The following CPQ variants were observed in gnomAD, a reference collection of about 807,000 sequenced individuals.
CPQ encodes carboxypeptidase Q, also known as Ser-Met dipeptidase.
Under a neutral mutation model 45.7 loss-of-function variants are expected in CPQ, and 37 were observed. The ratio of observed to expected loss-of-function variants is 0.81; its 90% CI spans 0.62 to 1.07. The LOEUF (loss-of-function observed/expected upper bound fraction) is 1.07. Among genes scored for constraint, CPQ ranks in the 50% least tolerant of loss-of-function variants. The pLI is 0.00. For synonymous variants in CPQ, 186 were observed against 205.8 expected, an observed-to-expected ratio of 0.90 and a Z score of 0.82; for missense variants, 537 against 572.9, an observed-to-expected ratio of 0.94 and a Z score of 0.64.
intron 4 of CPQ, among the ~76,000 whole-genome samples, chr8:96,965,354 A>G (rs1478951204): frequency 1.3e-5 from 2 of 148,154 alleles, no homozygotes; most frequent in African/African-American, 2.5e-5. Context: ...ATCTGTCAGT[A>G]ATAAGCCAAT....
At position 96,938,389 on chromosome 8, in the gene CPQ, C is replaced by A. The variant is rs141527678; in HGVS notation, c.850-27546C>A. 1.8e-3 allele frequency among the ~76,000 whole-genome samples: 268 copies of A among 152,162 alleles called. 1 individual carries two copies. The highest frequency in any genetic ancestry group is 6.2e-3 in the African/African-American group (256 of 41,524). ...TCCAGTCTAGGTGACAGAGCAGGACCCTGGTCTCTAAACAACAACAGCAAC... is the reference window on the plus strand; with the variant it reads ...TCCAGTCTAGGTGACAGAGCAGGACACTGGTCTCTAAACAACAACAGCAAC... On this transcript the variant is annotated intron_variant, in intron 4 of 7. Transcript: ENST00000220763.
In CPQ at chr8:96,691,599, A is replaced by G. The variant is rs141532541; in HGVS notation, c.-35+46197A>G. Among the ~76,000 whole-genome samples, 434 of 152,284 alleles carry G rather than the reference A, an allele frequency of 2.8e-3. 3 individuals are homozygous for G. Among genetic ancestry groups the G allele is most frequent in the African/African-American group, 9.9e-3 (412 of 41,560 alleles). On this transcript the variant is annotated intron_variant, in intron 1 of 7. Coordinates refer to ENST00000220763, the MANE Select transcript of CPQ (RefSeq NM_016134.4). Reference sequence around the variant, plus strand: ...AGAGTATTGACTATCTTTTCCTTAAAATGTTTATAATTTACTTGAGGACTC... The same window carrying G: ...AGAGTATTGACTATCTTTTCCTTAAGATGTTTATAATTTACTTGAGGACTC...
chr8:97,017,637 T>C (rs1024851648), intron 5 of CPQ, among the ~76,000 whole-genome samples: 1 of 151,986 alleles, frequency 6.6e-6, no homozygotes, highest in Non-Finnish European at 1.5e-5. Context: ...ACTGCCGGCT[T>C]TCCCCTACTT....
chr8:97,128,519 T>C (rs1022075416), intron 7 of CPQ, among the ~76,000 whole-genome samples: 6 of 152,170 alleles, frequency 3.9e-5, no homozygotes, highest in African/African-American at 1.4e-4. Flanking sequence ...ACCTCGTTTC[T>C]ACTAAAAATA....
chr8:96,715,980 G>A (rs1809668112), intron 1 of CPQ, among the ~76,000 whole-genome samples: 1 of 152,222 alleles, frequency 6.6e-6, no homozygotes, highest in Non-Finnish European at 1.5e-5. Context: ...AGGTGGCAGG[G>A]GAGTGACATA....
At chr8:96,924,171 G>T (rs908758420) in intron 4 of CPQ, among the ~76,000 whole-genome samples, 1 of 152,112 alleles carries the variant, frequency 6.6e-6, no homozygotes, top group African/African-American at 2.4e-5. Context: ...TTGGGGTGGG[G>T]GTAGGGGTGA....
chr8:97,033,732 T>C (rs1809949549), intron 6 of CPQ, among the ~76,000 whole-genome samples: 1 of 152,144 alleles, frequency 6.6e-6, no homozygotes, highest in African/African-American at 2.4e-5. Flanking sequence ...TTATTTCTTC[T>C]TTTTGTTTTT....
chr8:96,784,399 T>TAG (rs376534066), intron 1 of CPQ, among the ~76,000 whole-genome samples: 1 of 128,208 alleles, frequency 7.8e-6, no homozygotes, highest in African/African-American at 2.9e-5. Context: ...TGTTCTGAGG[T>TAG]GGGGGGGGGG....
intron 1 of CPQ, among the ~76,000 whole-genome samples, chr8:96,777,754 ATATATATTTTTTTTTTT>A (rs1810632279): frequency 8.1e-5 from 1 of 12,316 alleles, no homozygotes; most frequent in Non-Finnish European, 1.4e-4. Context: ...ATATATATAT[ATATATATTTTTTTTTTT>A]TTTTTTTTTT....
intron 4 of CPQ, among the ~76,000 whole-genome samples, chr8:96,903,193 A>G (rs1211955949): frequency 1.3e-5 from 2 of 152,204 alleles, no homozygotes; most frequent in Non-Finnish European, 2.9e-5. Flanking sequence ...TTCTTGCCTC[A>G]CTTTCCTTCT....
At chr8:96,994,706 C>T (rs1809149340) in intron 5 of CPQ, among the ~76,000 whole-genome samples, 3 of 152,018 alleles carry the variant, frequency 2.0e-5, no homozygotes, top group South Asian at 2.1e-4. Context: ...TGACATGCCC[C>T]AGTTTGTCTG....
At chr8:96,940,043 A>G (rs1052004360) in intron 4 of CPQ, among the ~76,000 whole-genome samples, 3 of 152,110 alleles carry the variant, frequency 2.0e-5, no homozygotes, top group Admixed American at 2.0e-4. Context: ...GCAAAAACTT[A>G]ATGAGAGTCT....
chr8:96,934,433 C>T (rs1033715891), intron 4 of CPQ, among the ~76,000 whole-genome samples: 2 of 152,048 alleles, frequency 1.3e-5, no homozygotes, highest in African/African-American at 2.4e-5. Context: ...GGCCAAGTCA[C>T]GCATTAAGTA....
At chr8:96,670,146 G>A (rs1808981784) in intron 1 of CPQ, among the ~76,000 whole-genome samples, 1 of 152,046 alleles carries the variant, frequency 6.6e-6, no homozygotes, top group African/African-American at 2.4e-5. Flanking sequence ...CTATGCTTGA[G>A]GCCATTTTAA....
At chr8:97,056,037 T>G (rs1810450749) in intron 6 of CPQ, among the ~76,000 whole-genome samples, 3 of 152,076 alleles carry the variant, frequency 2.0e-5, no homozygotes, top group Admixed American at 2.0e-4. Context: ...AAGCCAAAGC[T>G]GCAGTGAGCC....
intron 2 of CPQ, among the ~76,000 whole-genome samples, chr8:96,798,713 T>C (rs1194832050): frequency 1.3e-5 from 2 of 152,040 alleles, no homozygotes. Context: ...ACTCATTTTT[T>C]TCTTTGAAGT....
chr8:97,088,024 G>T (rs550841179), intron 7 of CPQ, among the ~76,000 whole-genome samples: 3 of 152,232 alleles, frequency 2.0e-5, no homozygotes, highest in African/African-American at 7.2e-5. Context: ...TATCCAAAGA[G>T]AGGTTAAAAA....
intron 4 of CPQ, among the ~76,000 whole-genome samples, chr8:96,885,005 G>A (rs976823374): frequency 6.6e-6 from 1 of 152,184 alleles, no homozygotes; most frequent in African/African-American, 2.4e-5. Flanking sequence ...CTTGAAAGTA[G>A]GCAGAGGGGA....
chr8:96,791,036 T>A (rs1384813657), intron 2 of CPQ, among the ~76,000 whole-genome samples: 1 of 152,168 alleles, frequency 6.6e-6, no homozygotes, highest in South Asian at 2.1e-4. Context: ...TGCTAATCTA[T>A]GTTAGACACC....
Sources: gnomAD v4.1 joint callset for allele counts (sites outside exome capture counted in the v4.1 genomes callset) on GRCh38, gnomAD v4.1.1 for gene constraint, MANE v1.5 for transcripts, NCBI Gene and HGNC (gene_info 2026-07-23, HGNC 2026-07-21) for gene names.